Variants in C14orf132 observed in about 807,000 individuals in gnomAD.
C14orf132 encodes the protein uncharacterized protein C14orf132.
Under a neutral mutation model 5.8 loss-of-function variants are expected in C14orf132, and 6 were observed. The ratio of observed to expected loss-of-function variants is 1.03; its 90% CI spans 0.57 to 2.04. The LOEUF (loss-of-function observed/expected upper bound fraction) is 2.04. Among genes scored for constraint, C14orf132 ranks in the 30% most tolerant of loss-of-function variants. C14orf132 has a pLI of 0.00. For synonymous variants in C14orf132, 51 were observed against 49.8 expected (o/e 1.02, Z -0.10); for missense variants, 125 against 115.8 (o/e 1.08, Z -0.37).
At chr14:96,082,618 G>T (rs2139681289) in intron 1 of C14orf132, among the ~76,000 whole-genome samples, 1 of 152,300 alleles carries the variant, frequency 6.6e-6, no homozygotes, top group South Asian at 2.1e-4. Context: ...ATACACTAGG[G>T]GGCACGGGTG....
Position 96,077,554 on chromosome 14 carries a change from A to G in C14orf132, c.28-8957A>G, listed in dbSNP as rs111454867. ...GGAGAAGGTGGCCACCTGCAAGCCAACGAGAGAGGCCTCAGAAGAAAACAG... is the reference window on the plus strand; with the variant it reads ...GGAGAAGGTGGCCACCTGCAAGCCAGCGAGAGAGGCCTCAGAAGAAAACAG... On this transcript the variant is annotated intron_variant, in intron 1 of 1. Transcript: ENST00000555004. Among the ~76,000 whole-genome samples the G allele has an allele frequency of 2.4e-3, 364 of 152,276 alleles. 1 individual carries two copies. The highest frequency in any genetic ancestry group is 8.4e-3 in the African/African-American group (350 of 41,562).
In C14orf132 at chr14:96,039,520, C is replaced by A; in HGVS notation, c.20C>A (p.Ala7Asp). The A allele has an allele frequency of 6.7e-7, 1 of 1,502,844 alleles. No homozygotes were observed. Among genetic ancestry groups the A allele is most frequent in the Non-Finnish European group, 8.9e-7 (1 of 1,129,684 alleles). The allele number at this position is 1,502,844 out of a possible 1,614,324, so 93.1% of individuals were successfully genotyped here. A position where few individuals can be genotyped will look rare whatever the true frequency, so the allele number is the denominator to read the frequency against. The change falls in exon 1 of 2, where the codon GCC becomes GAC. Residue 7 changes from alanine (A) to aspartate (D), a missense_variant. Coordinates refer to ENST00000555004, the MANE Select transcript of C14orf132 (RefSeq NM_001252507.3). The surrounding 1 kb of genome is among the most constrained non-coding windows in gnomAD (Gnocchi z 5.3). MDLSFM[A>D]AQLPMMGGAF... Reference sequence around the variant, plus strand: ...GACACCATGGATCTCTCCTTTATGGCCGCGCAGGTAACGGGGCGTCCCCCC... The same window carrying A: ...GACACCATGGATCTCTCCTTTATGGACGCGCAGGTAACGGGGCGTCCCCCC...
chr14:96,064,259 T>C (rs967802729), intron 1 of C14orf132, among the ~76,000 whole-genome samples: 1 of 151,864 alleles, frequency 6.6e-6, no homozygotes, highest in African/African-American at 2.4e-5. Flanking sequence ...AAAAGATATT[T>C]GCACAGGCAT....
At chr14:96,048,054 G>C (rs1886881938) in intron 1 of C14orf132, among the ~76,000 whole-genome samples, 1 of 152,158 alleles carries the variant, frequency 6.6e-6, no homozygotes, top group Non-Finnish European at 1.5e-5. Flanking sequence ...TGGGTGTGGT[G>C]GTGGGCGCCT....
At chr14:96,060,854 G>A (rs961276292) in intron 1 of C14orf132, among the ~76,000 whole-genome samples, 4 of 152,206 alleles carry the variant, frequency 2.6e-5, no homozygotes, top group South Asian at 2.1e-4. Context: ...GATGGGAAGG[G>A]TCTGGGTAAA....
At chr14:96,047,808 G>A (rs1886872943) in intron 1 of C14orf132, among the ~76,000 whole-genome samples, 1 of 152,174 alleles carries the variant, frequency 6.6e-6, no homozygotes, top group Admixed American at 6.5e-5. Flanking sequence ...CTCTGCCCCT[G>A]TTCATGCACA....
chr14:96,067,456 C>G (rs1267279824), intron 1 of C14orf132, among the ~76,000 whole-genome samples: 1 of 151,844 alleles, frequency 6.6e-6, no homozygotes, highest in Non-Finnish European at 1.5e-5. Context: ...AGTGTGCACT[C>G]TGGGAGGCCA....
chr14:96,049,081 T>C (rs1886920336), intron 1 of C14orf132, among the ~76,000 whole-genome samples: 1 of 152,050 alleles, frequency 6.6e-6, no homozygotes, highest in African/African-American at 2.4e-5. Flanking sequence ...CCCACCACTG[T>C]ATCCAGCTAA....
At chr14:96,040,402 C>T (rs1886659907) in intron 1 of C14orf132, 1 of 398,132 alleles carries the variant, frequency 2.5e-6, no homozygotes. Flanking sequence ...CATCTTGCAC[C>T]TTCTCTGGTT....
At chr14:96,065,583 C>T (rs1268174421) in intron 1 of C14orf132, among the ~76,000 whole-genome samples, 1 of 151,708 alleles carries the variant, frequency 6.6e-6, no homozygotes, top group Non-Finnish European at 1.5e-5. Flanking sequence ...CTTTCCCCTT[C>T]TCTCTCTCTT....
In C14orf132 at chr14:96,091,187, G is replaced by T. The variant is rs1446183092; in HGVS notation, c.*4452G>T. On this transcript the variant is annotated 3_prime_UTR_variant, in exon 2 of 2. Transcript: ENST00000555004. The stretch of plus-strand genomic sequence containing the variant: ...GGCACCCTGCATCATGCCCACCAGG[G>T]TGATCCCCCTGGGATGGACCATCTC... The T allele has an allele frequency of 8.0e-6, 3 of 375,348 alleles. No individual in the cohort carries two copies. The Admixed American group carries it at 9.9e-5, about 12-fold the overall frequency. 23.3% of individuals were successfully genotyped at this position (375,348 alleles called of 1,614,324 possible). A position where few individuals can be genotyped will look rare whatever the true frequency, so the allele number is the denominator to read the frequency against.
chr14:96,041,704 T>C (rs1039040160), intron 1 of C14orf132, among the ~76,000 whole-genome samples: 2 of 152,252 alleles, frequency 1.3e-5, no homozygotes, highest in Admixed American at 1.3e-4. Context: ...TCACTGTCTC[T>C]CTGTGCAGTC....
chr14:96,063,945 G>A (rs1323785264), intron 1 of C14orf132, among the ~76,000 whole-genome samples: 1 of 152,074 alleles, frequency 6.6e-6, no homozygotes, highest in Non-Finnish European at 1.5e-5. Context: ...AAGAAGATAT[G>A]CAAATGGCCA....
chr14:96,080,043 G>A (rs557638254), intron 1 of C14orf132, among the ~76,000 whole-genome samples: 2 of 152,164 alleles, frequency 1.3e-5, no homozygotes, highest in East Asian at 1.9e-4. Flanking sequence ...TTTGAAATTC[G>A]AATTTAAGTA....
chr14:96,084,788 G>A (rs1333216803), intron 1 of C14orf132, among the ~76,000 whole-genome samples: 2 of 152,144 alleles, frequency 1.3e-5, no homozygotes, highest in East Asian at 3.8e-4. Flanking sequence ...GTCAATAACT[G>A]CCCTATTCCA....
intron 1 of C14orf132, among the ~76,000 whole-genome samples, chr14:96,068,891 T>A (rs893916674): frequency 4.6e-5 from 7 of 152,034 alleles, no homozygotes; most frequent in Non-Finnish European, 7.4e-5. Flanking sequence ...GTAAAGCAGA[T>A]GATCCTCTCC....
chr14:96,057,554 G>C (rs76144264), intron 1 of C14orf132, among the ~76,000 whole-genome samples: 4,639 of 152,306 alleles, frequency 0.03, 99 homozygotes, highest in Non-Finnish European at 0.05. Flanking sequence ...TACTGGAATG[G>C]TTCAGGCTGA....
At chr14:96,081,401 A>C (rs1164021880) in intron 1 of C14orf132, among the ~76,000 whole-genome samples, 3 of 152,184 alleles carry the variant, frequency 2.0e-5, no homozygotes, top group Non-Finnish European at 2.9e-5. Context: ...CCACGAGGCA[A>C]TGTTGGCCCT....
rs181022548 is a variant in C14orf132, at chr14:96,061,437, G to A, written c.27+21910G>A. Among the ~76,000 whole-genome samples, 889 of 152,264 alleles carry A rather than the reference G, an allele frequency of 5.8e-3. 15 individuals carry two copies. The highest frequency in any genetic ancestry group is 0.021 in the African/African-American group (853 of 41,532). On this transcript the variant is annotated intron_variant, in intron 1 of 1. Coordinates refer to ENST00000555004, the MANE Select transcript of C14orf132 (RefSeq NM_001252507.3). ...CATAGGTTCATTTAAGGAGCTAACT[G>A]TGTGTGTGACAAACAGCAAACGTGG...
Sources: gnomAD v4.1 joint callset for allele counts (sites outside exome capture counted in the v4.1 genomes callset) on GRCh38, gnomAD v4.1.1 for gene constraint, Gnocchi (gnomAD v3.1) non-coding constraint, MANE v1.5 for transcripts, NCBI Gene and HGNC (gene_info 2026-07-23, HGNC 2026-07-21) for gene names.